Variants in CNTN5 observed in about 807,000 individuals in gnomAD.
CNTN5 encodes contactin 5, also known as contactin-5.
CNTN5 carries 77 observed loss-of-function variants against 129.1 expected under a neutral mutation model. That is an observed-to-expected ratio of 0.60 (90% CI 0.50 to 0.72). The LOEUF (loss-of-function observed/expected upper bound fraction) is 0.72, where lower values mean the gene tolerates loss of function less well. Ranked by LOEUF, CNTN5 falls within the 30% of genes least tolerant of loss-of-function variation. The pLI is 0.00. For missense variants in CNTN5, 1,478 were observed against 1,328.8 expected, an observed-to-expected ratio of 1.11 and a Z score of -1.75; for synonymous variants, 509 against 465.6, an observed-to-expected ratio of 1.09 and a Z score of -1.20.
intron 3 of CNTN5, among the ~76,000 whole-genome samples, chr11:99,801,805 T>G (rs192988030): frequency 5.9e-4 from 90 of 152,350 alleles, no homozygotes; most frequent in African/African-American, 1.8e-3. Context: ...TGTTTATCTC[T>G]TCCTTCTATT....
intron 13 of CNTN5, among the ~76,000 whole-genome samples, chr11:100,091,660 C>G (rs959488635): frequency 2.0e-5 from 3 of 151,822 alleles, no homozygotes; most frequent in African/African-American, 7.3e-5. Context: ...AACTCCTGAC[C>G]TTGTGATCCA....
intron 17 of CNTN5, among the ~76,000 whole-genome samples, chr11:100,256,448 T>C (rs561971915): frequency 6.6e-6 from 1 of 152,318 alleles, no homozygotes; most frequent in East Asian, 1.9e-4. Context: ...TCAGTTCCTT[T>C]TGCTACTCCT....
At chr11:100,317,502 G>A (rs1951594080) in intron 21 of CNTN5, among the ~76,000 whole-genome samples, 1 of 152,044 alleles carries the variant, frequency 6.6e-6, no homozygotes, top group African/African-American at 2.4e-5. Context: ...AAAATAAAAT[G>A]CCAATTTTAT....
intron 1 of CNTN5, among the ~76,000 whole-genome samples, chr11:99,164,070 G>A (rs917084247): frequency 3.9e-5 from 6 of 152,170 alleles, no homozygotes; most frequent in Non-Finnish European, 7.3e-5. Flanking sequence ...GCTCATGCCT[G>A]TAATCCCAGC....
At chr11:99,184,008 C>G (rs540302213) in intron 1 of CNTN5, among the ~76,000 whole-genome samples, 2 of 152,004 alleles carry the variant, frequency 1.3e-5, no homozygotes, top group African/African-American at 4.8e-5. Flanking sequence ...TTTCTTGAAC[C>G]TGTCCATGCA....
intron 21 of CNTN5, among the ~76,000 whole-genome samples, chr11:100,319,099 C>T (rs1206742555): frequency 6.6e-6 from 1 of 151,630 alleles, no homozygotes; most frequent in African/African-American, 2.4e-5. Context: ...AGTCATTATC[C>T]TTATTCTTAC....
At chr11:99,890,029 G>A (rs1949016504) in intron 6 of CNTN5, among the ~76,000 whole-genome samples, 2 of 152,102 alleles carry the variant, frequency 1.3e-5, no homozygotes, top group African/African-American at 4.8e-5. Flanking sequence ...AATCACATAT[G>A]TTTTCTCATA....
chr11:99,899,711 C>G (rs1186995895), intron 6 of CNTN5, among the ~76,000 whole-genome samples: 2 of 151,886 alleles, frequency 1.3e-5, no homozygotes, highest in African/African-American at 4.8e-5. Flanking sequence ...TTGTCCTTCC[C>G]TGATTTTGGT....
intron 1 of CNTN5, among the ~76,000 whole-genome samples, chr11:99,250,390 G>T (rs565700980): frequency 4.2e-4 from 64 of 151,966 alleles, no homozygotes; most frequent in African/African-American, 1.5e-3. Context: ...GGAAATACAT[G>T]AAGGATATTA....
chr11:100,122,348 G>A (rs73563181), intron 13 of CNTN5, among the ~76,000 whole-genome samples: 2,414 of 152,090 alleles, frequency 0.016, 32 homozygotes, highest in Non-Finnish European at 0.023. Context: ...TTCCTCTTGC[G>A]TCTCTTTTTG....
intron 2 of CNTN5, among the ~76,000 whole-genome samples, chr11:99,501,553 A>G (rs1379893619): frequency 6.6e-6 from 1 of 152,228 alleles, no homozygotes; most frequent in African/African-American, 2.4e-5. Flanking sequence ...CTGCAGTTGC[A>G]AAAGAACTGA....
intron 8 of CNTN5, among the ~76,000 whole-genome samples, chr11:99,995,826 C>T (rs1380202086): frequency 1.3e-5 from 2 of 152,086 alleles, no homozygotes; most frequent in African/African-American, 4.8e-5. Context: ...GGCACTAGCA[C>T]CAAAATCCAC....
At chr11:99,104,095 A>G (rs1321604139) in intron 1 of CNTN5, among the ~76,000 whole-genome samples, 2 of 152,226 alleles carry the variant, frequency 1.3e-5, no homozygotes, top group Non-Finnish European at 2.9e-5. Flanking sequence ...AACATTCATA[A>G]TGAACATCAT....
At chr11:99,399,297 T>C (rs1484515055) in intron 2 of CNTN5, among the ~76,000 whole-genome samples, 4 of 151,982 alleles carry the variant, frequency 2.6e-5, no homozygotes, top group Non-Finnish European at 4.4e-5. Context: ...TCTAAACTTA[T>C]TAGATTTCAG....
At chr11:100,351,080 T>G (rs967547477) in intron 24 of CNTN5, among the ~76,000 whole-genome samples, 1 of 151,614 alleles carries the variant, frequency 6.6e-6, no homozygotes, top group African/African-American at 2.4e-5. Flanking sequence ...GGAGTTGACA[T>G]TTTCATTAGA....
At chr11:100,351,727 A>G (rs917417577) in intron 24 of CNTN5, among the ~76,000 whole-genome samples, 4 of 151,394 alleles carry the variant, frequency 2.6e-5, no homozygotes, top group South Asian at 2.1e-4. Context: ...ATTTTATGAG[A>G]ACATTATGAA....
intron 3 of CNTN5, among the ~76,000 whole-genome samples, chr11:99,621,323 C>CA (rs1950943236): frequency 6.6e-6 from 1 of 151,898 alleles, no homozygotes. Flanking sequence ...AAATTGGAGT[C>CA]AAAAAACAAA....
At chr11:99,109,267 T>A (rs906808186) in intron 1 of CNTN5, among the ~76,000 whole-genome samples, 2 of 152,028 alleles carry the variant, frequency 1.3e-5, no homozygotes, top group Non-Finnish European at 2.9e-5. Flanking sequence ...ATACATTTTT[T>A]CAATCAATAA....
At chr11:99,555,817 G>T (rs3809013) in intron 2 of CNTN5, among the ~76,000 whole-genome samples, 13,235 of 151,746 alleles carry the variant, frequency 0.087, 1,145 homozygotes, top group East Asian at 0.33. Flanking sequence ...CCAATAATTT[G>T]TCTAAGGTAA....
Sources: gnomAD v4.1 joint callset for allele counts (sites outside exome capture counted in the v4.1 genomes callset) on GRCh38, gnomAD v4.1.1 for gene constraint, MANE v1.5 for transcripts, NCBI Gene and HGNC (gene_info 2026-07-23, HGNC 2026-07-21) for gene names.